Variants in IRAK1BP1 observed in about 807,000 individuals in gnomAD.
The protein encoded by IRAK1BP1 is interleukin-1 receptor-associated kinase 1-binding protein 1.
A neutral mutation model predicts 28.0 loss-of-function variants in IRAK1BP1; 24 were observed. That is an observed-to-expected ratio of 0.86 (90% CI 0.62 to 1.20). The LOEUF (loss-of-function observed/expected upper bound fraction) is 1.20. Among genes scored for constraint, IRAK1BP1 ranks in the 50% most tolerant of loss-of-function variants. IRAK1BP1 has a pLI of 0.00. For missense variants in IRAK1BP1, 336 were observed against 316.7 expected (o/e 1.06, Z -0.46); for synonymous variants, 131 against 116.3 (o/e 1.13, Z -0.81).
At chr6:78,949,273 C>T (rs921011638), downstream of IRAK1BP1, among the ~76,000 whole-genome samples, 1 of 152,104 alleles carries the variant, frequency 6.6e-6, no homozygotes, top group Non-Finnish European at 1.5e-5. Flanking sequence ...GATCTGGTAC[C>T]TGGGGGGCCT....
At chr6:78,946,638 TA>T, downstream of IRAK1BP1, 1 of 1,471,150 alleles carries the variant, frequency 6.8e-7, no homozygotes, top group Non-Finnish European at 8.9e-7. Context: ...AAGGAAGTAT[TA>T]AAAAACACCA....
In IRAK1BP1 at chr6:78,900,041, T is replaced by G. The variant is rs907243196; in HGVS notation, c.*1707T>G. 3.3e-5 allele frequency: 5 copies of G among 152,180 alleles called. No homozygotes were observed. The highest frequency in any genetic ancestry group is 1.2e-4 in the African/African-American group (5 of 41,440). 9.4% of individuals were successfully genotyped at this position (152,180 alleles called of 1,614,324 possible). On this transcript the variant is annotated 3_prime_UTR_variant, in exon 4 of 4. Transcript: ENST00000369940. Reference sequence around the variant, plus strand: ...GTTGTTCTAGCATGCCTAAAAAATCTTGTAACTGGATCAAGTATCAGTTTT... The same window carrying G: ...GTTGTTCTAGCATGCCTAAAAAATCGTGTAACTGGATCAAGTATCAGTTTT...
chr6:78,936,041 T>G (rs1341022955), intron 4 of IRAK1BP1: 1 of 151,996 alleles, frequency 6.6e-6, no homozygotes, highest in Non-Finnish European at 1.5e-5. Flanking sequence ...CCAATCAGTA[T>G]GTACAAAAAG....
chr6:78,963,929 G>T, the IRAK1BP1 span, among the ~76,000 whole-genome samples: 3 of 151,956 alleles, frequency 2.0e-5, no homozygotes, highest in African/African-American at 7.2e-5. Flanking sequence ...AACTCTATAG[G>T]TTCGTATGAA....
Position 78,918,009 on chromosome 6 carries a change from G to A in IRAK1BP1, c.*67+14899G>A, listed in dbSNP as rs1772606241. Reference sequence around the variant, plus strand: ...CCCACAACCACACCTAAGTACATAGGCCACACAGTAGAAACTACAAAGCAG... The same window carrying A: ...CCCACAACCACACCTAAGTACATAGACCACACAGTAGAAACTACAAAGCAG... On this transcript the variant is annotated intron_variant and NMD_transcript_variant, in intron 4 of 4. Coordinates refer to the IRAK1BP1 transcript ENST00000606868. 3.3e-5 allele frequency among the ~76,000 whole-genome samples: 5 copies of A among 152,110 alleles called. No homozygotes were observed. In the South Asian group the frequency reaches 1.0e-3, roughly 32 times the overall value.
the IRAK1BP1 span, chr6:78,965,919 C>T: frequency 6.5e-7 from 1 of 1,538,092 alleles, no homozygotes; most frequent in Non-Finnish European, 9.0e-7. Flanking sequence ...CCTAGGTGAA[C>T]TAAAATACAA....
At chr6:78,920,346 AG>A (rs1772689879) in intron 4 of IRAK1BP1, among the ~76,000 whole-genome samples, 1 of 152,198 alleles carries the variant, frequency 6.6e-6, no homozygotes, top group African/African-American at 2.4e-5. Flanking sequence ...CTAAGCAAAA[AG>A]AAAAAACCCA....
chr6:78,952,496 T>C, the IRAK1BP1 span, among the ~76,000 whole-genome samples: 82 of 151,154 alleles, frequency 5.4e-4, no homozygotes, highest in African/African-American at 1.9e-3. Context: ...ATATTGCTCC[T>C]CTCCCATTCT....
At chr6:78,939,544 G>GA (rs1254023610) in intron 4 of IRAK1BP1, 6 of 151,626 alleles carry the variant, frequency 4.0e-5, no homozygotes, top group African/African-American at 1.2e-4. Context: ...AAAAAATCCT[G>GA]AAAAAAGAAT....
chr6:78,876,104 G>A (rs1170662356), intron 1 of IRAK1BP1, among the ~76,000 whole-genome samples: 2 of 152,090 alleles, frequency 1.3e-5, no homozygotes, highest in Non-Finnish European at 2.9e-5. Flanking sequence ...TGTCAAGGGG[G>A]GGATCTGATG....
chr6:78,958,186 CAGTT>C, the IRAK1BP1 span: 86 of 218,192 alleles, frequency 3.9e-4, no homozygotes, highest in South Asian at 1.6e-3. Context: ...TATTGTCTAA[CAGTT>C]AGATTGAGAA....
intron 1 of IRAK1BP1, among the ~76,000 whole-genome samples, chr6:78,870,340 C>T (rs954948480): frequency 2.6e-5 from 4 of 152,024 alleles, no homozygotes; most frequent in African/African-American, 9.7e-5. Flanking sequence ...CAACACTTCA[C>T]TCCCTATACT....
Position 78,867,589 on chromosome 6 carries a change from A to C in IRAK1BP1, c.13A>C (p.Lys5Gln). 6.2e-7 allele frequency: 1 copy of C among 1,613,762 alleles called. No individual in the cohort carries two copies. The highest frequency in any genetic ancestry group is 8.5e-7 in the Non-Finnish European group (1 of 1,179,840). ...AGCTGCCATCGCTATGTCTCTGCAA[A>C]AGACCCCTCCGACCCGAGTGTTCGT... MSLQ[K>Q]TPPTRVFVEL... Residue 5 changes from lysine to glutamine, a missense_variant, in exon 1 of 4, where the codon AAG becomes CAG. Lys to Gln is a moderately conservative substitution (Grantham distance 53). Coordinates refer to ENST00000369940, the MANE Select transcript of IRAK1BP1 (RefSeq NM_001010844.4).
At chr6:78,913,143 G>A (rs935482734) in intron 4 of IRAK1BP1, among the ~76,000 whole-genome samples, 7 of 151,612 alleles carry the variant, frequency 4.6e-5, no homozygotes, top group African/African-American at 1.7e-4. Flanking sequence ...AGACCATCCT[G>A]GCTAACACGG....
intron 4 of IRAK1BP1, among the ~76,000 whole-genome samples, chr6:78,919,255 A>G (rs1306093352): frequency 6.6e-6 from 1 of 152,192 alleles, no homozygotes; most frequent in African/African-American, 2.4e-5. Context: ...AAAGATCTCA[A>G]ATAAATGTTC....
At chr6:78,884,647 A>G (rs1052662961) in intron 1 of IRAK1BP1, among the ~76,000 whole-genome samples, 1 of 152,138 alleles carries the variant, frequency 6.6e-6, no homozygotes, top group Non-Finnish European at 1.5e-5. Flanking sequence ...ATGATGCTAT[A>G]TGGTGTACGT....
At chr6:78,925,805 G>T (rs1562100640) in intron 4 of IRAK1BP1, among the ~76,000 whole-genome samples, 1 of 152,130 alleles carries the variant, frequency 6.6e-6, no homozygotes, top group African/African-American at 2.4e-5. Context: ...CCCATCACTG[G>T]TGGAGTGGAT....
At chr6:78,949,116 G>A (rs142342075), downstream of IRAK1BP1, among the ~76,000 whole-genome samples, 9 of 152,296 alleles carry the variant, frequency 5.9e-5, no homozygotes, top group East Asian at 1.4e-3. Context: ...GATATTAGCT[G>A]TAGATGTACT....
exon 5 of IRAK1BP1, chr6:78,945,703 T>G: frequency 3.3e-6 from 2 of 604,314 alleles, no homozygotes; most frequent in Non-Finnish European, 5.8e-6. Context: ...AGCTGTCCCA[T>G]CATTTCAAAA....
Sources: gnomAD v4.1 joint callset for allele counts (sites outside exome capture counted in the v4.1 genomes callset) on GRCh38, gnomAD v4.1.1 for gene constraint, MANE v1.5 for transcripts, NCBI Gene and HGNC (gene_info 2026-07-23, HGNC 2026-07-21) for gene names.